DCLK1: variants seen among roughly 807,000 people sequenced by gnomAD.
The protein encoded by DCLK1 is doublecortin like kinase 1.
In DCLK1, 16 loss-of-function variants were observed where a neutral mutation model predicts 86.2. The observed-to-expected ratio is 0.19, with a 90% confidence interval of 0.13 to 0.28. The LOEUF (loss-of-function observed/expected upper bound fraction) is 0.28, where lower values mean the gene tolerates loss of function less well. DCLK1 is among the 10% of genes least tolerant of loss of function. The pLI is 1.00. For synonymous variants in DCLK1, 369 were observed against 370.5 expected, an observed-to-expected ratio of 1.00 and a Z score of 0.05; for missense variants, 590 against 940.2, an observed-to-expected ratio of 0.63 and a Z score of 4.87.
rs9546064 is a variant in DCLK1 at position 36,000,070 on chromosome 13, C to T, written c.724-52613G>A. Among the ~76,000 whole-genome samples, 595 of 152,310 alleles carry T rather than the reference C, an allele frequency of 3.9e-3. 1 individual carries two copies. The highest frequency in any genetic ancestry group is 5.7e-3 in the Non-Finnish European group (389 of 68,016). ...TAAGTCAAGTGAGGCCTTTCCCCCA[C>T]TTCACCCCTAACCTTGACTAGCATT... On this transcript the variant is annotated intron_variant, in intron 3 of 16. Transcript: ENST00000360631.
At chr13:35,822,914 A>T (rs760992030) in intron 10 of DCLK1, 39 bp from the exon 11 acceptor site, 3 of 1,609,974 alleles carry the variant, frequency 1.9e-6, no homozygotes, top group Non-Finnish European at 2.5e-6. Flanking sequence ...ACATTAACAG[A>T]CGGGCCAGTG....
At chr13:36,095,190 TTTTTG>T (rs1168270832) in intron 3 of DCLK1, among the ~76,000 whole-genome samples, 1 of 151,738 alleles carries the variant, frequency 6.6e-6, no homozygotes, top group Non-Finnish European at 1.5e-5. Flanking sequence ...TTTTTTGTTT[TTTTTG>T]TTTTGTTTTG....
At chr13:35,840,685 G>T (rs529725173) in intron 6 of DCLK1, among the ~76,000 whole-genome samples, 4 of 152,260 alleles carry the variant, frequency 2.6e-5, no homozygotes, top group Non-Finnish European at 4.4e-5. Context: ...GCACACATTT[G>T]TCATATGTCA....
At chr13:36,016,552 A>T (rs778621216) in intron 3 of DCLK1, among the ~76,000 whole-genome samples, 4 of 152,114 alleles carry the variant, frequency 2.6e-5, no homozygotes, top group Non-Finnish European at 4.4e-5. Context: ...CCAAACAGTC[A>T]CTTTCTTTTA....
At chr13:36,031,332 C>G (rs79879630) in intron 3 of DCLK1, among the ~76,000 whole-genome samples, 1 of 151,378 alleles carries the variant, frequency 6.6e-6, no homozygotes, top group Non-Finnish European at 1.5e-5. Flanking sequence ...CACACACACA[C>G]AAAAAAAGAC....
intron 3 of DCLK1, among the ~76,000 whole-genome samples, chr13:36,021,912 A>G (rs1358735626): frequency 6.6e-6 from 1 of 152,132 alleles, no homozygotes. Flanking sequence ...GAATAGAACT[A>G]TATAGTACAG....
At chr13:35,973,749 C>T (rs141613499) in intron 3 of DCLK1, among the ~76,000 whole-genome samples, 236 of 152,180 alleles carry the variant, frequency 1.6e-3, no homozygotes, top group Middle Eastern at 0.01. Flanking sequence ...GGTCAAGGAA[C>T]GGGGAACCTG....
At chr13:36,093,027 C>T (rs1049492859) in intron 3 of DCLK1, among the ~76,000 whole-genome samples, 2 of 152,088 alleles carry the variant, frequency 1.3e-5, no homozygotes, top group Non-Finnish European at 2.9e-5. Context: ...GATAATTAGG[C>T]CTTCCCGAAT....
intron 6 of DCLK1, chr13:35,847,212 T>C: frequency 1.0e-6 from 1 of 984,380 alleles, no homozygotes; most frequent in Non-Finnish European, 1.2e-6. Flanking sequence ...AATTTTTTTA[T>C]AAATCAGTAT....
chr13:36,129,401 A>G (rs1191956774), intron 1 of DCLK1, among the ~76,000 whole-genome samples: 2 of 152,216 alleles, frequency 1.3e-5, no homozygotes, highest in Non-Finnish European at 2.9e-5. Flanking sequence ...GGGCAGGGCT[A>G]CACCTTTTAC....
intron 2 of DCLK1, among the ~76,000 whole-genome samples, chr13:36,112,668 G>A (rs896776457): frequency 3.9e-5 from 6 of 152,104 alleles, no homozygotes; most frequent in South Asian, 2.1e-4. Flanking sequence ...TATAATTTAC[G>A]AATTTGATGA....
rs183662799 is a variant in DCLK1, at chr13:35,789,074, G to A, written c.2058+4292C>T. On this transcript the variant is annotated intron_variant, in intron 16 of 16. Coordinates refer to ENST00000360631, the MANE Select transcript of DCLK1 (RefSeq NM_001330071.2). ...AAAGTTGTTCATCCTGGAATAAGAT[G>A]TTAGCTTTTGGGTACCTGGGGATAA... Among the ~76,000 whole-genome samples the A allele has an allele frequency of 3.9e-5, 6 of 152,290 alleles. No individual in the cohort carries two copies. In the East Asian group the frequency reaches 9.6e-4, roughly 24 times the overall value.
chr13:36,092,039 T>G (rs547485506), intron 3 of DCLK1, among the ~76,000 whole-genome samples: 1 of 152,336 alleles, frequency 6.6e-6, no homozygotes, highest in African/African-American at 2.4e-5. Flanking sequence ...TTTTATTAAA[T>G]GAATTATTTT....
chr13:35,905,857 A>C (rs1874662509), intron 4 of DCLK1, among the ~76,000 whole-genome samples: 1 of 152,002 alleles, frequency 6.6e-6, no homozygotes, highest in Admixed American at 6.6e-5. Flanking sequence ...AAAGACTGCC[A>C]GGGCGAGGAT....
chr13:35,965,539 T>C (rs2153138151), intron 3 of DCLK1, among the ~76,000 whole-genome samples: 1 of 152,328 alleles, frequency 6.6e-6, no homozygotes, highest in African/African-American at 2.4e-5. Flanking sequence ...GGATCTCAGT[T>C]TACCAGTTGC....
Position 35,956,092 on chromosome 13 carries a change from C to T in DCLK1, c.724-8635G>A, listed in dbSNP as rs1877961724. Reference sequence around the variant, plus strand: ...CTTTTTAGAATAGCTCACCTACTTGCCCCTCTTTCACTTAAGGAATTAAAG... The same window carrying T: ...CTTTTTAGAATAGCTCACCTACTTGTCCCTCTTTCACTTAAGGAATTAAAG... On this transcript the variant is annotated intron_variant, in intron 3 of 16. Coordinates refer to ENST00000360631, the MANE Select transcript of DCLK1 (RefSeq NM_001330071.2). Among the ~76,000 whole-genome samples the T allele has an allele frequency of 2.6e-5, 4 of 152,144 alleles. No individual in the cohort carries two copies. In the South Asian group the frequency reaches 6.2e-4, roughly 24 times the overall value.
chr13:35,774,682 C>T lies in DCLK1; in HGVS notation c.2076G>A (p.Lys692=). The T allele has an allele frequency of 6.2e-7, 1 of 1,612,070 alleles. No individual in the cohort carries two copies. The highest frequency in any genetic ancestry group is 1.7e-4 in the Middle Eastern group (1 of 6,058). The change falls in exon 17 of 17, where the codon AAG becomes AAA. Residue 692 remains lysine (K), a synonymous_variant. Transcript: ENST00000360631. ...VSVIATTALD[K]ERQVFRRRRN... ...GTCTTCGTCGGAAAACCTGCCTCTC[C>T]TTATCAAGAGCGGTGGTCTAGCAGG...
chr13:35,901,252 C>T (rs1487007042), intron 4 of DCLK1, among the ~76,000 whole-genome samples: 1 of 151,930 alleles, frequency 6.6e-6, no homozygotes, highest in East Asian at 1.9e-4. Context: ...TTTGGGAGGC[C>T]AATGCAGGTG....
At chr13:35,843,634 T>C (rs957856660) in intron 6 of DCLK1, among the ~76,000 whole-genome samples, 3 of 152,332 alleles carry the variant, frequency 2.0e-5, no homozygotes, top group African/African-American at 4.8e-5. Context: ...TTTGAAAATA[T>C]CCAATTAAGA....
Sources: allele counts gnomAD v4.1 joint callset (sites outside exome capture counted in the v4.1 genomes callset), GRCh38; gene constraint gnomAD v4.1.1; transcripts MANE v1.5; gene names NCBI Gene and HGNC (gene_info 2026-07-23, HGNC 2026-07-21).